The following ABCA12 variants were observed in gnomAD, a reference collection of about 807,000 sequenced individuals.
The protein encoded by ABCA12 is glucosylceramide transporter ABCA12.
ABCA12 carries 156 observed loss-of-function variants against 293.5 expected under a neutral mutation model. The ratio of observed to expected loss-of-function variants is 0.53; its 90% CI spans 0.47 to 0.61. ABCA12 has a LOEUF of 0.61. Ranked by LOEUF, ABCA12 falls within the 20% of genes least tolerant of loss-of-function variation. ABCA12 has a pLI of 0.00. For missense variants in ABCA12, 2,797 were observed against 3,090.2 expected, an observed-to-expected ratio of 0.91 and a Z score of 2.25; for synonymous variants, 1,063 against 1,108.0, an observed-to-expected ratio of 0.96 and a Z score of 0.81.
intron 2 of ABCA12, among the ~76,000 whole-genome samples, chr2:215,098,139 C>G (rs367826806): frequency 6.6e-6 from 1 of 151,930 alleles, no homozygotes; most frequent in African/African-American, 2.4e-5. Flanking sequence ...TTTAGGTATG[C>G]CATGTGGCAT....
chr2:215,045,187 C>A (rs1453750496), intron 7 of ABCA12, among the ~76,000 whole-genome samples: 2 of 152,092 alleles, frequency 1.3e-5, no homozygotes, highest in Non-Finnish European at 2.9e-5. Context: ...CTATACAGGG[C>A]AATCAAAACC....
chr2:214,932,532 CT>C lies in ABCA12; in HGVS notation c.*101del. ...TTGTAACTTTCCATACAGTATATTA[CT>C]TTACTTTAAAATGAAGATATCTTGC... On this transcript the variant is annotated 3_prime_UTR_variant, in exon 53 of 53. Transcript: ENST00000272895. 1 of 905,534 alleles carries C rather than the reference CT, an allele frequency of 1.1e-6. No homozygotes were observed. The highest frequency in any genetic ancestry group is 1.4e-5 in the South Asian group (1 of 71,144). 56.1% of individuals were successfully genotyped at this position (905,534 alleles called of 1,614,324 possible). A position where few individuals can be genotyped will look rare whatever the true frequency, so the allele number is the denominator to read the frequency against.
intron 2 of ABCA12, among the ~76,000 whole-genome samples, chr2:215,065,969 G>C (rs1327430916): frequency 6.6e-6 from 1 of 152,146 alleles, no homozygotes; most frequent in East Asian, 1.9e-4. Context: ...ACACCAGAGA[G>C]ATTGGTGCCT....
chr2:215,129,764 T>C (rs1703012618), intron 1 of ABCA12, among the ~76,000 whole-genome samples: 1 of 152,342 alleles, frequency 6.6e-6, no homozygotes, highest in South Asian at 2.1e-4. Flanking sequence ...TTTTGCTTTG[T>C]TGCATTTGCT....
In ABCA12 at chr2:215,012,001, C is replaced by T; in HGVS notation, c.2091G>A (p.Met697Ile). The T allele has an allele frequency of 6.2e-7, 1 of 1,613,836 alleles. No homozygotes were observed. The highest frequency in any genetic ancestry group is 1.1e-5 in the South Asian group (1 of 91,072). The change falls in exon 16 of 53, where the codon ATG becomes ATA. Residue 697 changes from methionine to isoleucine, a missense_variant. Coordinates refer to ENST00000272895, the MANE Select transcript of ABCA12 (RefSeq NM_173076.3). ...TTAATGGAACACTTCTGGGCAGATG[C>T]ATTTGCTTCAGGGATCTCATTTTGT... is the stretch of plus-strand genomic sequence containing the variant. ...LLDKMRSLKQ[M>I]HLPRSVPLTQ...
rs1026646121 is a variant in ABCA12 at position 214,949,095 on chromosome 2, G to C, written c.6907C>G (p.Leu2303Val). 6.2e-7 allele frequency: 1 copy of C among 1,613,720 alleles called. No homozygotes were observed. Among genetic ancestry groups the C allele is most frequent in the East Asian group, 2.2e-5 (1 of 44,808 alleles). The change falls in exon 46 of 53, where the codon CTG (leucine) becomes GTG (valine). Residue 2303 changes from leucine (L) to valine (V), a missense_variant. Coordinates refer to ENST00000272895, the MANE Select transcript of ABCA12 (RefSeq NM_173076.3). ...CTTGAAGGAATGATGTCTCCTGTCA[G>C]CATCTTGAATATAGTGGTCTTTCCT... ...GAGKTTIFKM[L>V]TGDIIPSSGN...
chr2:215,079,397 T>C (rs982624016), intron 2 of ABCA12, among the ~76,000 whole-genome samples: 3 of 152,174 alleles, frequency 2.0e-5, no homozygotes, highest in African/African-American at 7.2e-5. Context: ...AAACAGCCCG[T>C]GTTCGGTATC....
chr2:214,972,034 G>A (rs913344689), intron 36 of ABCA12, among the ~76,000 whole-genome samples: 9 of 151,998 alleles, frequency 5.9e-5, no homozygotes, highest in Non-Finnish European at 1.3e-4. Flanking sequence ...TGGCCATTTG[G>A]ATATGCTCTT....
chr2:215,111,721 T>C (rs1553546823), intron 1 of ABCA12, 31 bp from the exon 2 acceptor site: 3 of 1,551,414 alleles, frequency 1.9e-6, no homozygotes, highest in Non-Finnish European at 2.7e-6. Context: ...AAATTGTTAG[T>C]TTTATTGTTG....
At chr2:215,002,494 CTTGATCATCA>C (rs1237072015) in intron 20 of ABCA12, among the ~76,000 whole-genome samples, 1 of 152,148 alleles carries the variant, frequency 6.6e-6, no homozygotes, top group Non-Finnish European at 1.5e-5. Flanking sequence ...TTTTTACTGA[CTTGATCATCA>C]TGAATGCTGA....
intron 22 of ABCA12, among the ~76,000 whole-genome samples, chr2:215,000,321 G>A (rs903087099): frequency 6.6e-6 from 1 of 152,112 alleles, no homozygotes; most frequent in Non-Finnish European, 1.5e-5. Context: ...TCCGATTTGG[G>A]AGTTGGAAGG....
chr2:215,130,451 T>TAAGGA (rs1362954606), intron 1 of ABCA12, among the ~76,000 whole-genome samples: 2 of 152,132 alleles, frequency 1.3e-5, no homozygotes, highest in African/African-American at 4.8e-5. Context: ...TTTCACCTCC[T>TAAGGA]TGGTTAAATA....
At chr2:215,126,963 T>C (rs1445411909) in intron 1 of ABCA12, among the ~76,000 whole-genome samples, 1 of 152,174 alleles carries the variant, frequency 6.6e-6, no homozygotes, top group Non-Finnish European at 1.5e-5. Flanking sequence ...CTGCCTTTGC[T>C]GTATCCCAGA....
intron 2 of ABCA12, among the ~76,000 whole-genome samples, chr2:215,104,360 A>C (rs1232858837): frequency 3.9e-5 from 6 of 152,196 alleles, no homozygotes; most frequent in African/African-American, 1.4e-4. Context: ...TTAGCTGAGA[A>C]ACCTTGTCAT....
chr2:215,028,386 C>A (rs529603605), intron 9 of ABCA12, among the ~76,000 whole-genome samples: 16 of 152,298 alleles, frequency 1.1e-4, no homozygotes, highest in African/African-American at 3.4e-4. Context: ...AGAGGGCTGA[C>A]TCATTTAAAT....
intron 1 of ABCA12, among the ~76,000 whole-genome samples, chr2:215,119,752 A>AAAAAAAAAAAAAAAAAAAAAAC (rs1203424589): frequency 2.8e-5 from 4 of 142,966 alleles, no homozygotes; most frequent in African/African-American, 1.2e-4. Context: ...AAAAAAAAAA[A>AAAAAAAAAAAAAAAAAAAAAAC]TGAAAACAAA....
At chr2:215,095,078 ATTTTG>A (rs370956848) in intron 2 of ABCA12, among the ~76,000 whole-genome samples, 40 of 152,070 alleles carry the variant, frequency 2.6e-4, no homozygotes, top group African/African-American at 6.3e-4. Flanking sequence ...CTTCACTACT[ATTTTG>A]TTTTGTTTTG....
chr2:214,995,118 T>G (rs1439518790), intron 23 of ABCA12, among the ~76,000 whole-genome samples: 1 of 152,214 alleles, frequency 6.6e-6, no homozygotes, highest in East Asian at 1.9e-4. Context: ...TTTAATAAAC[T>G]TATTAGATTT....
At chr2:214,983,064 C>G (rs953235292) in intron 29 of ABCA12, among the ~76,000 whole-genome samples, 3 of 152,056 alleles carry the variant, frequency 2.0e-5, no homozygotes, top group African/African-American at 2.4e-5. Flanking sequence ...GTAAAAAGCC[C>G]TGAGGCTGGA....
Sources: gnomAD v4.1 joint callset for allele counts (sites outside exome capture counted in the v4.1 genomes callset) on GRCh38, gnomAD v4.1.1 for gene constraint, MANE v1.5 for transcripts, NCBI Gene and HGNC (gene_info 2026-07-23, HGNC 2026-07-21) for gene names.